The following FECH variants were observed in gnomAD, a reference collection of about 807,000 sequenced individuals.
The protein encoded by FECH is ferrochelatase.
In FECH, 40 loss-of-function variants were observed where a neutral mutation model predicts 56.9. The observed-to-expected ratio is 0.70, with a 90% CI of 0.55 to 0.92. The LOEUF is 0.92. Ranked by LOEUF, FECH falls within the 40% of genes least tolerant of loss-of-function variation. The probability of loss-of-function intolerance (pLI) is 0.00; values close to 1 mark genes in which losing one functional copy is unlikely to be tolerated. For missense variants in FECH, 431 were observed against 529.1 expected (o/e 0.81, Z 1.82); for synonymous variants, 175 against 198.6 (o/e 0.88, Z 1.00).
At position 57,546,521 on chromosome 18, in the gene FECH, T is replaced by C. The variant is rs544629404; in HGVS notation, c.*4191A>G. On this transcript the variant is annotated 3_prime_UTR_variant, in exon 11 of 11. Coordinates refer to ENST00000262093, the MANE Select transcript of FECH (RefSeq NM_000140.5). Reference sequence around the variant, plus strand: ...TTTGGATAAGCACAATGGCATCACATTGAGCAAAGGATCTCTTTTACATGC... The same window carrying C: ...TTTGGATAAGCACAATGGCATCACACTGAGCAAAGGATCTCTTTTACATGC... 6.6e-6 allele frequency among the ~76,000 whole-genome samples: 1 copy of C among 152,320 alleles called. No individual in the cohort carries two copies. The highest frequency in any genetic ancestry group is 1.9e-4 in the East Asian group (1 of 5,184).
At chr18:57,555,243 C>T (rs1442478784) in intron 7 of FECH, among the ~76,000 whole-genome samples, 1 of 152,202 alleles carries the variant, frequency 6.6e-6, no homozygotes, top group Non-Finnish European at 1.5e-5. Context: ...GAGGATGGTT[C>T]TCTCTCCCTC....
intron 5 of FECH, 62 bp from the exon 6 acceptor site, chr18:57,563,042 C>T (rs984979852): frequency 3.0e-6 from 4 of 1,330,532 alleles, no homozygotes; most frequent in Non-Finnish European, 4.3e-6. Context: ...AAAAAACAGA[C>T]TCGTAAAGGT....
chr18:57,566,080 A>T (rs902942756), intron 5 of FECH, among the ~76,000 whole-genome samples: 15 of 152,260 alleles, frequency 9.9e-5, no homozygotes, highest in Non-Finnish European at 2.1e-4. Flanking sequence ...AAATGAGAAC[A>T]GTTACAATCT....
chr18:57,551,334 C>A lies in FECH; in HGVS notation c.1118G>T (p.Gly373Val). Reference protein sequence around the residue: ...ENIRRAESLNGNPLFSKALAD... With the variant: ...ENIRRAESLNVNPLFSKALAD... ...AGATACCTTAGAGAACAATGGATTT[C>A]CATTAAGAGACTCAGCTCTTCTGAT... The change falls in exon 10 of 11, where the codon GGA becomes GTA. Residue 373 changes from glycine to valine, a missense_variant. By Grantham distance (109) the Gly-to-Val change is moderately radical. Coordinates refer to ENST00000262093, the MANE Select transcript of FECH (RefSeq NM_000140.5). The A allele has an allele frequency of 6.2e-7, 1 of 1,612,828 alleles. No individual in the cohort carries two copies.
chr18:57,578,591 G>T (rs945311883), intron 2 of FECH, among the ~76,000 whole-genome samples: 3 of 151,676 alleles, frequency 2.0e-5, no homozygotes, highest in Non-Finnish European at 4.4e-5. Flanking sequence ...GAGACAGGAG[G>T]ATCACTTAAG....
chr18:57,572,637 G>C (rs1035490499), intron 3 of FECH, among the ~76,000 whole-genome samples: 1 of 147,958 alleles, frequency 6.8e-6, no homozygotes, highest in African/African-American at 2.5e-5. Context: ...GCGTGTGTGT[G>C]TGTATGTATG....
intron 5 of FECH, among the ~76,000 whole-genome samples, chr18:57,565,385 C>T (rs1203360442): frequency 6.6e-6 from 1 of 152,082 alleles, no homozygotes. Context: ...GTGGGTGGAT[C>T]ATTTGCGGCC....
At chr18:57,579,023 G>A (rs539903536) in intron 2 of FECH, among the ~76,000 whole-genome samples, 30 of 151,916 alleles carry the variant, frequency 2.0e-4, no homozygotes, top group South Asian at 4.2e-4. Context: ...CAAGGCGGGC[G>A]GATCACTTGA....
Position 57,586,637 on chromosome 18 carries a change from G to A in FECH, c.-17C>T, listed in dbSNP as rs1176496905. 6.6e-7 allele frequency: 1 copy of A among 1,507,148 alleles called. No individual in the cohort carries two copies. Among genetic ancestry groups the A allele is most frequent in the Non-Finnish European group, 8.8e-7 (1 of 1,134,462 alleles). The allele number at this position is 1,507,148 out of a possible 1,614,324, so 93.4% of individuals were successfully genotyped here. On this transcript the variant is annotated 5_prime_UTR_variant, in exon 1 of 11. Coordinates refer to ENST00000262093, the MANE Select transcript of FECH (RefSeq NM_000140.5). ...TGAACGCATTGCCTGGGCAGCCTCG[G>A]CCCGAGTCCGGGCTCCTCCCGCGGC...
At chr18:57,578,636 C>T (rs916428339) in intron 2 of FECH, among the ~76,000 whole-genome samples, 1 of 151,776 alleles carries the variant, frequency 6.6e-6, no homozygotes, top group Admixed American at 6.6e-5. Flanking sequence ...GCCATGATCA[C>T]ACCACCGCAC....
At chr18:57,572,177 C>A (rs576643948) in intron 3 of FECH, among the ~76,000 whole-genome samples, 2 of 152,204 alleles carry the variant, frequency 1.3e-5, no homozygotes, top group East Asian at 1.9e-4. Flanking sequence ...GGAACCAACC[C>A]AAATGTCCAT....
At chr18:57,565,482 T>G (rs553206324) in intron 5 of FECH, among the ~76,000 whole-genome samples, 1 of 151,734 alleles carries the variant, frequency 6.6e-6, no homozygotes, top group Admixed American at 6.6e-5. Context: ...GGCACATGCC[T>G]GCAATCCCAG....
intron 7 of FECH, among the ~76,000 whole-genome samples, chr18:57,558,356 A>G (rs2122265903): frequency 6.6e-6 from 1 of 152,376 alleles, no homozygotes; most frequent in African/African-American, 2.4e-5. Flanking sequence ...CTAGTGTAAT[A>G]TGATGAACTA....
At chr18:57,585,891 G>T (rs2051364386) in intron 1 of FECH, 1 of 152,286 alleles carries the variant, frequency 6.6e-6, no homozygotes, top group South Asian at 2.1e-4. Context: ...TAGGTGCCTT[G>T]TTCAAGGTGT....
intron 1 of FECH, among the ~76,000 whole-genome samples, chr18:57,584,615 A>G (rs1457849548): frequency 6.6e-6 from 1 of 152,004 alleles, no homozygotes; most frequent in Non-Finnish European, 1.5e-5. Context: ...TCTATCACAT[A>G]GGAGATGAGG....
At position 57,545,297 on chromosome 18, in the gene FECH, G is replaced by A. The variant is rs1438539406; in HGVS notation, c.*5415C>T. Among the ~76,000 whole-genome samples, 2 of 152,176 alleles carry A rather than the reference G, an allele frequency of 1.3e-5. No individual in the cohort carries two copies. The highest frequency in any genetic ancestry group is 2.4e-5 in the African/African-American group (1 of 41,444). ...CCAACATCCATCTTAATGGCCTACT[G>A]TAGCCTAATTTAGCCAATAGCTGTT... On this transcript the variant is annotated 3_prime_UTR_variant, in exon 11 of 11. Coordinates refer to ENST00000262093, the MANE Select transcript of FECH (RefSeq NM_000140.5).
intron 9 of FECH, among the ~76,000 whole-genome samples, chr18:57,551,894 T>C (rs1021357060): frequency 1.3e-5 from 2 of 151,534 alleles, no homozygotes; most frequent in Non-Finnish European, 2.9e-5. Flanking sequence ...TTTCTTTTTT[T>C]TTTTTTTGAG....
At chr18:57,563,800 T>C (rs1211005027) in intron 5 of FECH, among the ~76,000 whole-genome samples, 1 of 152,192 alleles carries the variant, frequency 6.6e-6, no homozygotes, top group East Asian at 1.9e-4. Flanking sequence ...ACATATGCAA[T>C]TCTGCATGCT....
intron 2 of FECH, among the ~76,000 whole-genome samples, chr18:57,573,649 G>A (rs2051146332): frequency 6.6e-6 from 1 of 152,146 alleles, no homozygotes; most frequent in Non-Finnish European, 1.5e-5. Context: ...AAGAGAGATC[G>A]AACCTTTAGG....
Sources: gnomAD v4.1 joint callset for allele counts (sites outside exome capture counted in the v4.1 genomes callset) on GRCh38, gnomAD v4.1.1 for gene constraint, MANE v1.5 for transcripts, NCBI Gene and HGNC (gene_info 2026-07-23, HGNC 2026-07-21) for gene names.